The following TMEM150C variants were observed in gnomAD, a reference collection of about 807,000 sequenced individuals.
The protein encoded by TMEM150C is tentonin 3.
Under a neutral mutation model 29.9 loss-of-function variants are expected in TMEM150C, and 10 were observed. That is an observed-to-expected ratio of 0.33 (90% confidence interval 0.21 to 0.57). TMEM150C has a LOEUF of 0.57. Ranked by LOEUF, TMEM150C falls within the 20% of genes least tolerant of loss-of-function variation. TMEM150C has a pLI of 0.88. For synonymous variants in TMEM150C, 101 were observed against 112.5 expected (o/e 0.90, Z 0.64); for missense variants, 251 against 303.6 (o/e 0.83, Z 1.29).
At chr4:82,553,415 G>A (rs1560501448) in intron 1 of TMEM150C, among the ~76,000 whole-genome samples, 1 of 152,178 alleles carries the variant, frequency 6.6e-6, no homozygotes, top group South Asian at 2.1e-4. Flanking sequence ...ACAATATGTT[G>A]AGAACTAATA....
chr4:82,507,781 C>T (rs947214405), intron 1 of TMEM150C, among the ~76,000 whole-genome samples: 1 of 98,860 alleles, frequency 1.0e-5, no homozygotes, highest in Non-Finnish European at 2.0e-5. Context: ...CACGATCTCG[C>T]TTTGTCACCC....
At chr4:82,534,813 T>C (rs1461101940) in intron 1 of TMEM150C, among the ~76,000 whole-genome samples, 1 of 152,184 alleles carries the variant, frequency 6.6e-6, no homozygotes, top group South Asian at 2.1e-4. Flanking sequence ...ACATCCCAAC[T>C]TCACCTAGAA....
At chr4:82,512,714 G>T (rs1462578514) in intron 1 of TMEM150C, among the ~76,000 whole-genome samples, 1 of 152,146 alleles carries the variant, frequency 6.6e-6, no homozygotes, top group Non-Finnish European at 1.5e-5. Flanking sequence ...ACAGAGTGGT[G>T]ATGGTCATAC....
chr4:82,507,364 G>A (rs72913674), intron 1 of TMEM150C, among the ~76,000 whole-genome samples: 384 of 152,248 alleles, frequency 2.5e-3, no homozygotes, highest in African/African-American at 8.9e-3. Flanking sequence ...CAAGCAGGGA[G>A]GTAGAGTGAA....
chr4:82,559,874 T>A (rs1378162050), intron 1 of TMEM150C, among the ~76,000 whole-genome samples: 5 of 152,060 alleles, frequency 3.3e-5, no homozygotes, highest in Non-Finnish European at 7.4e-5. Context: ...GATTGCGGGG[T>A]CCAGCTAGCT....
chr4:82,494,999 C>T (rs1455367774), intron 6 of TMEM150C: 1 of 815,924 alleles, frequency 1.2e-6, no homozygotes. Flanking sequence ...TAGTACACTG[C>T]TTCTTCAGAG....
chr4:82,522,466 T>C (rs1229778960), intron 1 of TMEM150C, among the ~76,000 whole-genome samples: 1 of 152,228 alleles, frequency 6.6e-6, no homozygotes, highest in Admixed American at 6.5e-5. Context: ...TGCAGGTTTA[T>C]TTGGGTACAA....
chr4:82,492,629 C>G (rs976041409), intron 6 of TMEM150C, among the ~76,000 whole-genome samples: 1 of 151,520 alleles, frequency 6.6e-6, no homozygotes, highest in African/African-American at 2.4e-5. Context: ...CAAATCATTA[C>G]CAACTGATGT....
chr4:82,515,792 C>T (rs1022645251), intron 1 of TMEM150C, among the ~76,000 whole-genome samples: 14 of 151,638 alleles, frequency 9.2e-5, no homozygotes, highest in East Asian at 3.9e-4. Flanking sequence ...AGTGATTTCA[C>T]GTGCCTTCCT....
chr4:82,489,496 G>A (rs898708016), intron 7 of TMEM150C, among the ~76,000 whole-genome samples: 2 of 152,014 alleles, frequency 1.3e-5, no homozygotes, highest in African/African-American at 4.8e-5. Context: ...ATTCTCAATT[G>A]GTTCAAACTC....
chr4:82,486,689 G>A (rs1441186431), intron 7 of TMEM150C, among the ~76,000 whole-genome samples: 1 of 151,932 alleles, frequency 6.6e-6, no homozygotes, highest in Non-Finnish European at 1.5e-5. Flanking sequence ...GTTTGAGGCT[G>A]CAGTGAGCTA....
intron 1 of TMEM150C, among the ~76,000 whole-genome samples, chr4:82,549,016 T>C (rs916325572): frequency 1.3e-5 from 2 of 151,926 alleles, no homozygotes; most frequent in Non-Finnish European, 2.9e-5. Flanking sequence ...TATAGGGAAA[T>C]GTGTTCATTG....
chr4:82,525,891 A>C (rs1161447155), intron 1 of TMEM150C, among the ~76,000 whole-genome samples: 1 of 152,204 alleles, frequency 6.6e-6, no homozygotes, highest in African/African-American at 2.4e-5. Flanking sequence ...AGAAAAAAAA[A>C]AACATTTTCT....
intron 1 of TMEM150C, among the ~76,000 whole-genome samples, chr4:82,534,305 C>T (rs1724941369): frequency 6.6e-6 from 1 of 152,080 alleles, no homozygotes; most frequent in Admixed American, 6.6e-5. Flanking sequence ...CAACCAAGCC[C>T]CTCACCTCAC....
intron 7 of TMEM150C, among the ~76,000 whole-genome samples, chr4:82,486,587 T>C (rs1413420560): frequency 6.6e-6 from 1 of 151,944 alleles, no homozygotes; most frequent in Non-Finnish European, 1.5e-5. Flanking sequence ...TCTAAACTTG[T>C]ATGATAAACA....
intron 6 of TMEM150C, chr4:82,495,481 C>A: frequency 2.8e-6 from 1 of 356,016 alleles, no homozygotes; most frequent in South Asian, 2.6e-5. Flanking sequence ...TCTTTTAGGC[C>A]CCAGGTGACG....
chr4:82,525,599 G>T (rs1724626891), intron 1 of TMEM150C, among the ~76,000 whole-genome samples: 1 of 152,212 alleles, frequency 6.6e-6, no homozygotes, highest in Non-Finnish European at 1.5e-5. Flanking sequence ...AAGATGAAAA[G>T]ATATCCAGCC....
chr4:82,498,410 C>T (rs1723625744), intron 5 of TMEM150C, among the ~76,000 whole-genome samples: 1 of 152,182 alleles, frequency 6.6e-6, no homozygotes, highest in African/African-American at 2.4e-5. Context: ...CTGCCTCAGC[C>T]TCCTGAGCAG....
intron 6 of TMEM150C, 183 bp downstream of exon 6, chr4:82,495,885 C>A: frequency 1.4e-6 from 1 of 716,792 alleles, no homozygotes; most frequent in South Asian, 2.1e-5. Flanking sequence ...AGGAGCTGTT[C>A]AGCTTCATCT....
Sources: gnomAD v4.1 joint callset for allele counts (sites outside exome capture counted in the v4.1 genomes callset) on GRCh38, gnomAD v4.1.1 for gene constraint, MANE v1.5 for transcripts, NCBI Gene and HGNC (gene_info 2026-07-23, HGNC 2026-07-21) for gene names.